The following CRTC3 variants were observed in gnomAD, a reference collection of about 807,000 sequenced individuals.
CRTC3 encodes CREB-regulated transcription coactivator 3.
A neutral mutation model predicts 74.5 loss-of-function variants in CRTC3; 26 were observed. The observed-to-expected ratio is 0.35, with a 90% CI of 0.26 to 0.48. CRTC3 has a LOEUF of 0.48. Among genes scored for constraint, CRTC3 ranks in the 20% least tolerant of loss-of-function variants. The pLI, the probability that CRTC3 is intolerant of heterozygous loss-of-function variation, is 0.99. For missense variants in CRTC3, 760 were observed against 787.3 expected (o/e 0.97, Z 0.41); for synonymous variants, 377 against 325.8 (o/e 1.16, Z -1.69).
intron 10 of CRTC3, among the ~76,000 whole-genome samples, chr15:90,628,372 A>G (rs1423050352): frequency 6.6e-6 from 1 of 152,228 alleles, no homozygotes; most frequent in African/African-American, 2.4e-5. Flanking sequence ...GGTACAAGAA[A>G]GATGGGCTGA....
At chr15:90,631,884 C>T (rs1414405230) in intron 11 of CRTC3, among the ~76,000 whole-genome samples, 1 of 151,940 alleles carries the variant, frequency 6.6e-6, no homozygotes, top group Non-Finnish European at 1.5e-5. Flanking sequence ...CAGGCATGAG[C>T]CACTGTGCCC....
intron 3 of CRTC3, chr15:90,598,307 C>T (rs1211563382): frequency 1.2e-5 from 8 of 646,780 alleles, no homozygotes; most frequent in Admixed American, 6.7e-5. Context: ...AGGGCCAGGG[C>T]GGGTCTTGTT....
chr15:90,540,478 TAAA>T (rs1567158773), intron 2 of CRTC3, among the ~76,000 whole-genome samples: 1 of 107,152 alleles, frequency 9.3e-6, no homozygotes, highest in Non-Finnish European at 2.0e-5. Flanking sequence ...TAATATTACT[TAAA>T]TAAATGTTTG....
chr15:90,564,940 T>G (rs1967090379), intron 2 of CRTC3, among the ~76,000 whole-genome samples: 1 of 45,660 alleles, frequency 2.2e-5, no homozygotes, highest in Non-Finnish European at 6.7e-5. Flanking sequence ...CTTCCTTCCT[T>G]CCTTCCTTCC....
intron 11 of CRTC3, among the ~76,000 whole-genome samples, chr15:90,634,356 C>T (rs1048043104): frequency 6.6e-6 from 1 of 152,138 alleles, no homozygotes; most frequent in African/African-American, 2.4e-5. Flanking sequence ...TCAGGTGATC[C>T]ACCCACCTCA....
At position 90,645,343 on chromosome 15, in the gene CRTC3, G is replaced by A; in HGVS notation, c.*3203G>A. Reference sequence around the variant, plus strand: ...AAAGCATCACAATGAGGTTGTCTCTGCATTTGGTGGTGTTTTTCTTCACTT... The same window carrying A: ...AAAGCATCACAATGAGGTTGTCTCTACATTTGGTGGTGTTTTTCTTCACTT... On this transcript the variant is annotated 3_prime_UTR_variant, in exon 15 of 15. Transcript: ENST00000268184. 5.1e-6 allele frequency: 1 copy of A among 197,836 alleles called. No individual in the cohort carries two copies. The allele number at this position is 197,836 out of a possible 1,614,324, so 12.3% of individuals were successfully genotyped here. A position where few individuals can be genotyped will look rare whatever the true frequency, so the allele number is the denominator to read the frequency against.
At chr15:90,536,434 G>T (rs892975004) in intron 1 of CRTC3, among the ~76,000 whole-genome samples, 3 of 150,286 alleles carry the variant, frequency 2.0e-5, no homozygotes, top group Non-Finnish European at 2.9e-5. Flanking sequence ...GGTGGAGGTT[G>T]CAGTGAGCTG....
At chr15:90,555,701 A>G (rs546665932) in intron 2 of CRTC3, among the ~76,000 whole-genome samples, 38 of 152,116 alleles carry the variant, frequency 2.5e-4, no homozygotes, top group Non-Finnish European at 5.0e-4. Context: ...TATTTTTAAT[A>G]GAGACGGGGT....
At chr15:90,623,852 C>A (rs891434467) in intron 9 of CRTC3, among the ~76,000 whole-genome samples, 11 of 152,188 alleles carry the variant, frequency 7.2e-5, no homozygotes, top group African/African-American at 2.7e-4. Flanking sequence ...TGGTCTGAAT[C>A]CTCACAGTTC....
At chr15:90,630,390 C>T (rs1015076048) in intron 11 of CRTC3, among the ~76,000 whole-genome samples, 7 of 152,158 alleles carry the variant, frequency 4.6e-5, no homozygotes, top group South Asian at 2.1e-4. Flanking sequence ...GATTATATCT[C>T]TTATAAGGAT....
At chr15:90,540,508 C>T (rs1040795234) in intron 2 of CRTC3, among the ~76,000 whole-genome samples, 7 of 152,292 alleles carry the variant, frequency 4.6e-5, no homozygotes, top group African/African-American at 1.7e-4. Flanking sequence ...CATGGTGGCT[C>T]ACACCTGTAA....
intron 2 of CRTC3, among the ~76,000 whole-genome samples, chr15:90,543,072 A>G (rs6496687): frequency 0.88 from 132,446 of 150,006 alleles, 58,729 homozygotes; most frequent in Middle Eastern, 0.92. Context: ...TGAGGCAGGC[A>G]GATCGCTTGA....
In CRTC3 at chr15:90,643,150, C is replaced by G. The variant is rs80120194; in HGVS notation, c.*1010C>G. 0.058 allele frequency: 13,565 copies of G among 232,342 alleles called. 524 individuals carry two copies. The highest frequency in any genetic ancestry group is 0.12 in the Middle Eastern group (92 of 782). 14.4% of individuals were successfully genotyped at this position (232,342 alleles called of 1,614,324 possible). On this transcript the variant is annotated 3_prime_UTR_variant, in exon 15 of 15. Transcript: ENST00000268184. ...CCTTATCATTGTTGAACCCGTAGCA[C>G]CTAACACGTGCGTGGCAGCACAGTC...
intron 2 of CRTC3, among the ~76,000 whole-genome samples, chr15:90,572,304 T>C (rs765316240): frequency 4.6e-5 from 7 of 152,172 alleles, no homozygotes; most frequent in East Asian, 1.9e-4. Flanking sequence ...CAGTCTCTTA[T>C]TGAGAGACAA....
intron 6 of CRTC3, chr15:90,613,987 A>G (rs1352803107): frequency 6.5e-6 from 1 of 152,674 alleles, no homozygotes; most frequent in Admixed American, 6.5e-5. Flanking sequence ...ACTTCACTGC[A>G]TAAGAAATAT....
chr15:90,581,438 TA>T (rs1396455700), intron 2 of CRTC3, among the ~76,000 whole-genome samples: 1 of 152,230 alleles, frequency 6.6e-6, no homozygotes, highest in Non-Finnish European at 1.5e-5. Flanking sequence ...TGTGACATCG[TA>T]TGCTTATTTT....
At chr15:90,603,918 C>A (rs1968149753) in intron 4 of CRTC3, among the ~76,000 whole-genome samples, 1 of 152,188 alleles carries the variant, frequency 6.6e-6, no homozygotes, top group South Asian at 2.1e-4. Flanking sequence ...CAGTAAAAGT[C>A]ATCTCCAAAC....
At chr15:90,587,595 G>C (rs141022910) in intron 2 of CRTC3, among the ~76,000 whole-genome samples, 32 of 152,020 alleles carry the variant, frequency 2.1e-4, no homozygotes, top group Non-Finnish European at 4.4e-4. Flanking sequence ...TTACAGGTTC[G>C]TTTCTTTCTT....
intron 1 of CRTC3, among the ~76,000 whole-genome samples, chr15:90,538,552 A>C (rs958931034): frequency 1.3e-5 from 2 of 152,188 alleles, no homozygotes; most frequent in African/African-American, 4.8e-5. Context: ...CCATGTCTGA[A>C]ATTTCTGTCA....
Sources: allele counts gnomAD v4.1 joint callset (sites outside exome capture counted in the v4.1 genomes callset), GRCh38; gene constraint gnomAD v4.1.1; transcripts MANE v1.5; gene names NCBI Gene and HGNC (gene_info 2026-07-23, HGNC 2026-07-21).